The following PARPBP variants were observed in gnomAD, a reference collection of about 807,000 sequenced individuals.
The protein encoded by PARPBP is PCNA-interacting partner.
A neutral mutation model predicts 50.0 loss-of-function variants in PARPBP; 52 were observed. The observed-to-expected ratio is 1.04, with a 90% CI of 0.83 to 1.31. The LOEUF is 1.31. PARPBP is among the 50% of genes most tolerant of loss of function. The pLI is 0.00. For synonymous variants in PARPBP, 244 were observed against 232.1 expected (o/e 1.05, Z -0.47); for missense variants, 697 against 672.0 (o/e 1.04, Z -0.41).
intron 3 of PARPBP, among the ~76,000 whole-genome samples, chr12:102,153,460 C>A (rs371422185): frequency 9.1e-4 from 139 of 152,294 alleles, no homozygotes; most frequent in African/African-American, 3.2e-3. Flanking sequence ...CCCACCTGAG[C>A]CTCTTGAGCA....
At chr12:102,151,581 A>G (rs1886213354) in intron 3 of PARPBP, 1 of 1,535,344 alleles carries the variant, frequency 6.5e-7, no homozygotes, top group African/African-American at 1.4e-5. Context: ...GGTCAACTAT[A>G]CAGCCACCTT....
chr12:102,138,389 G>A (rs1345847152), intron 2 of PARPBP, among the ~76,000 whole-genome samples: 1 of 152,000 alleles, frequency 6.6e-6, no homozygotes, highest in Admixed American at 6.6e-5. Context: ...TAAGTTCTTT[G>A]TAGATTCTGG....
At chr12:102,161,283 T>G (rs1887559362) in intron 4 of PARPBP, among the ~76,000 whole-genome samples, 1 of 152,020 alleles carries the variant, frequency 6.6e-6, no homozygotes, top group African/African-American at 2.4e-5. Context: ...TTTTTTTGTA[T>G]TTTTAGTAGA....
chr12:102,191,814 T>C (rs1890817911), intron 9 of PARPBP, among the ~76,000 whole-genome samples: 1 of 152,182 alleles, frequency 6.6e-6, no homozygotes, highest in Non-Finnish European at 1.5e-5. Flanking sequence ...AATCCATTTC[T>C]CTCATGTGAC....
chr12:102,196,016 A>G lies in PARPBP; in HGVS notation c.1465A>G (p.Arg489Gly). 1 of 1,611,226 alleles carries G rather than the reference A, an allele frequency of 6.2e-7. No homozygotes were observed. ...GTSFGNVHLD[R>G]SKNEKVSRKS... ...GAGTTTTGGAAATGTTCATCTGGAC[A>G]GAAGTAAAAATGAAAAAGTATCAAG... Residue 489 changes from arginine (R) to glycine (G), a missense_variant, in exon 11 of 11, where the codon AGA (arginine) becomes GGA (glycine). Transcript: ENST00000327680.
chr12:102,193,562 T>C (rs6539028), intron 9 of PARPBP, among the ~76,000 whole-genome samples: 1 of 152,128 alleles, frequency 6.6e-6, no homozygotes, highest in African/African-American at 2.4e-5. Context: ...GCCATAACTT[T>C]TGTGAAGTGA....
At chr12:102,130,633 C>G (rs893336181) in intron 2 of PARPBP, among the ~76,000 whole-genome samples, 3 of 152,050 alleles carry the variant, frequency 2.0e-5, no homozygotes, top group African/African-American at 7.2e-5. Context: ...GCAGGCGGAT[C>G]ACTTGAGGTC....
At chr12:102,173,952 T>A (rs903060165) in intron 6 of PARPBP, among the ~76,000 whole-genome samples, 2 of 148,150 alleles carry the variant, frequency 1.3e-5, no homozygotes, top group African/African-American at 5.0e-5. Flanking sequence ...CCTAAGTACT[T>A]TTGTATTGCA....
chr12:102,170,905 C>CTTTTTTTTTTTTTTTTT (rs56390964), intron 6 of PARPBP, among the ~76,000 whole-genome samples: 5 of 113,308 alleles, frequency 4.4e-5, no homozygotes, highest in Admixed American at 8.9e-5. Flanking sequence ...TTTAATTTTT[C>CTTTTTTTTTTTTTTTTT]TTTTTTTTTT....
chr12:102,146,954 AAC>A (rs1244842724), intron 2 of PARPBP, among the ~76,000 whole-genome samples: 1 of 152,258 alleles, frequency 6.6e-6, no homozygotes, highest in East Asian at 1.9e-4. Context: ...GCAGCCAAAA[AAC>A]ACATGAAAAA....
At chr12:102,138,586 G>C (rs1301383367) in intron 2 of PARPBP, among the ~76,000 whole-genome samples, 1 of 152,130 alleles carries the variant, frequency 6.6e-6, no homozygotes, top group African/African-American at 2.4e-5. Context: ...GAATGGTATT[G>C]CCTAGGTTTT....
intron 6 of PARPBP, among the ~76,000 whole-genome samples, chr12:102,170,807 G>A (rs757652037): frequency 1.3e-4 from 20 of 150,922 alleles, no homozygotes; most frequent in Non-Finnish European, 2.8e-4. Context: ...TTTGAGTCTT[G>A]TAGTAACACT....
intron 2 of PARPBP, among the ~76,000 whole-genome samples, chr12:102,141,106 G>A (rs1415914568): frequency 6.6e-6 from 1 of 152,160 alleles, no homozygotes; most frequent in Non-Finnish European, 1.5e-5. Context: ...CATTATTACT[G>A]TGTGGGAGTC....
chr12:102,138,820 G>A lies in PARPBP; in HGVS notation c.154-9410G>A, dbSNP rs1187147631. On this transcript the variant is annotated intron_variant, in intron 2 of 10. Coordinates refer to ENST00000327680, the MANE Select transcript of PARPBP (RefSeq NM_017915.5). ...TGTAGATGTGTGATATTATTTCTGA[G>A]GGCTCTGTTCTGTTCCATTGATCTA... Among the ~76,000 whole-genome samples the A allele has an allele frequency of 2.0e-5, 3 of 152,102 alleles. No individual in the cohort carries two copies. In the South Asian group the frequency reaches 6.2e-4, roughly 32 times the overall value.
chr12:102,168,671 A>G (rs992009675), intron 6 of PARPBP, among the ~76,000 whole-genome samples: 1 of 152,196 alleles, frequency 6.6e-6, no homozygotes, highest in East Asian at 1.9e-4. Flanking sequence ...AAGGGTGTCA[A>G]GAATGCTTAT....
chr12:102,135,107 A>C (rs2137662367), intron 2 of PARPBP, among the ~76,000 whole-genome samples: 1 of 152,344 alleles, frequency 6.6e-6, no homozygotes, highest in African/African-American at 2.4e-5. Context: ...TGAGAATTAA[A>C]TTGACATAAG....
chr12:102,185,319 T>C (rs1171801221), intron 9 of PARPBP, among the ~76,000 whole-genome samples: 2 of 152,242 alleles, frequency 1.3e-5, no homozygotes, highest in Admixed American at 1.3e-4. Flanking sequence ...TCTGTTGATA[T>C]AATGTATCAC....
chr12:102,151,000 A>G (rs1886111779), intron 3 of PARPBP, among the ~76,000 whole-genome samples: 1 of 152,190 alleles, frequency 6.6e-6, no homozygotes, highest in Non-Finnish European at 1.5e-5. Context: ...TATTACTTGT[A>G]GAACTGTCAT....
intron 9 of PARPBP, among the ~76,000 whole-genome samples, chr12:102,191,143 GCATCAT>G (rs1890753619): frequency 6.6e-6 from 1 of 152,058 alleles, no homozygotes; most frequent in Non-Finnish European, 1.5e-5. Flanking sequence ...ACTCTGGAAG[GCATCAT>G]TTTGCAGACC....
Sources: allele counts gnomAD v4.1 joint callset (sites outside exome capture counted in the v4.1 genomes callset), GRCh38; gene constraint gnomAD v4.1.1; transcripts MANE v1.5; gene names NCBI Gene and HGNC (gene_info 2026-07-23, HGNC 2026-07-21).